The following ZNF804B variants were observed in gnomAD, a reference collection of about 807,000 sequenced individuals.
The protein encoded by ZNF804B is zinc finger protein 804B.
Under a neutral mutation model 101.4 loss-of-function variants are expected in ZNF804B, and 80 were observed. The ratio of observed to expected loss-of-function variants is 0.79; its 90% CI spans 0.66 to 0.95. The LOEUF (loss-of-function observed/expected upper bound fraction) is 0.95, where lower values mean the gene tolerates loss of function less well. Among genes scored for constraint, ZNF804B ranks in the 40% least tolerant of loss-of-function variants. The pLI is 0.00. For synonymous variants in ZNF804B, 622 were observed against 558.8 expected (o/e 1.11, Z -1.59); for missense variants, 1,673 against 1,561.9 (o/e 1.07, Z -1.20).
chr7:89,153,508 C>T (rs17308009), intron 1 of ZNF804B, among the ~76,000 whole-genome samples: 20,171 of 151,132 alleles, frequency 0.13, 1,498 homozygotes, highest in Middle Eastern at 0.24. Context: ...TACTTTTGTA[C>T]CTTACCCAAG....
At chr7:89,056,730 C>A (rs534035549) in intron 1 of ZNF804B, among the ~76,000 whole-genome samples, 10 of 152,042 alleles carry the variant, frequency 6.6e-5, no homozygotes, top group African/African-American at 2.4e-4. Context: ...TTGCCTAATT[C>A]CTGAAATCAC....
At chr7:88,799,240 A>G (rs1332804560) in intron 1 of ZNF804B, among the ~76,000 whole-genome samples, 1 of 152,096 alleles carries the variant, frequency 6.6e-6, no homozygotes, top group African/African-American at 2.4e-5. Flanking sequence ...AAACAATTAA[A>G]TACCATTTAT....
chr7:88,970,748 C>T lies in ZNF804B; in HGVS notation c.108+210664C>T, dbSNP rs184391269. On this transcript the variant is annotated intron_variant, in intron 1 of 3. Coordinates refer to ENST00000333190, the MANE Select transcript of ZNF804B (RefSeq NM_181646.5). Reference sequence around the variant, plus strand: ...AAACCAAACACCGCATGTTCTCACTCTTAGGTGGGAATTGAACAATGAGAA... The same window carrying T: ...AAACCAAACACCGCATGTTCTCACTTTTAGGTGGGAATTGAACAATGAGAA... 3.3e-3 allele frequency among the ~76,000 whole-genome samples: 451 copies of T among 137,656 alleles called. 7 individuals are homozygous for T. The highest frequency in any genetic ancestry group is 0.012 in the African/African-American group (430 of 36,494). 90.3% of individuals were successfully genotyped at this position (137,656 alleles called of 152,430 possible). A position where few individuals can be genotyped will look rare whatever the true frequency, so the allele number is the denominator to read the frequency against.
At chr7:88,931,939 G>A (rs572606804) in intron 1 of ZNF804B, among the ~76,000 whole-genome samples, 4 of 151,588 alleles carry the variant, frequency 2.6e-5, no homozygotes, top group African/African-American at 7.2e-5. Context: ...AAGCAAAAGT[G>A]TATATAGGAG....
intron 1 of ZNF804B, among the ~76,000 whole-genome samples, chr7:88,840,494 T>C (rs1358211849): frequency 1.3e-5 from 2 of 152,160 alleles, no homozygotes; most frequent in Admixed American, 1.3e-4. Flanking sequence ...ATAGATAATA[T>C]TAAAAGTATT....
chr7:89,188,182 G>A (rs550805714), intron 1 of ZNF804B, among the ~76,000 whole-genome samples: 66 of 151,640 alleles, frequency 4.4e-4, no homozygotes, highest in East Asian at 9.7e-4. Flanking sequence ...GTTACACTTC[G>A]GTAATTCTTA....
chr7:89,305,921 T>C lies in ZNF804B; in HGVS notation c.250-21423T>C, dbSNP rs117708608. The stretch of plus-strand genomic sequence containing the variant: ...TGATACTTTGTAAAGATACTAAAGG[T>C]TAGATTGCTTTGTTTAGGAAAATTA... On this transcript the variant is annotated intron_variant, in intron 2 of 3. Coordinates refer to ENST00000333190, the MANE Select transcript of ZNF804B (RefSeq NM_181646.5). 5.0e-3 allele frequency among the ~76,000 whole-genome samples: 754 copies of C among 152,104 alleles called. 3 individuals carry two copies. The highest frequency in any genetic ancestry group is 7.3e-3 in the Non-Finnish European group (498 of 67,906).
chr7:88,971,387 G>T (rs984975553), intron 1 of ZNF804B, among the ~76,000 whole-genome samples: 2 of 151,508 alleles, frequency 1.3e-5, no homozygotes, highest in Non-Finnish European at 3.0e-5. Flanking sequence ...TGACAATAAA[G>T]AAATGTATAA....
At chr7:89,240,649 T>A (rs1458252980) in intron 2 of ZNF804B, among the ~76,000 whole-genome samples, 3 of 152,060 alleles carry the variant, frequency 2.0e-5, no homozygotes, top group Non-Finnish European at 4.4e-5. Context: ...TTAGTGCATC[T>A]CAATTGATTT....
intron 2 of ZNF804B, among the ~76,000 whole-genome samples, chr7:89,256,164 C>T (rs1323597025): frequency 1.3e-5 from 2 of 152,070 alleles, no homozygotes; most frequent in African/African-American, 4.8e-5. Context: ...TATAGTAACA[C>T]TTTCACATTT....
intron 1 of ZNF804B, among the ~76,000 whole-genome samples, chr7:89,215,449 G>A (rs1788874718): frequency 2.0e-5 from 3 of 152,018 alleles, no homozygotes; most frequent in Admixed American, 2.0e-4. Flanking sequence ...TACATTTTTA[G>A]CCTCAAATCT....
chr7:88,903,027 G>C (rs1229092651), intron 1 of ZNF804B, among the ~76,000 whole-genome samples: 4 of 152,032 alleles, frequency 2.6e-5, no homozygotes, highest in Non-Finnish European at 4.4e-5. Flanking sequence ...TGAGGTTTAA[G>C]GTATGGATCC....
intron 1 of ZNF804B, among the ~76,000 whole-genome samples, chr7:89,121,712 G>A (rs2116366968): frequency 6.6e-6 from 1 of 152,160 alleles, no homozygotes; most frequent in East Asian, 1.9e-4. Flanking sequence ...TTTACCCAGA[G>A]GTATAGAATT....
chr7:88,879,868 G>A (rs1204434710), intron 1 of ZNF804B, among the ~76,000 whole-genome samples: 3 of 151,836 alleles, frequency 2.0e-5, no homozygotes, highest in African/African-American at 4.8e-5. Flanking sequence ...GTGAAACCCC[G>A]TTTCTCCAAA....
intron 1 of ZNF804B, among the ~76,000 whole-genome samples, chr7:88,850,560 G>A (rs1216759415): frequency 6.6e-6 from 1 of 151,918 alleles, no homozygotes; most frequent in Non-Finnish European, 1.5e-5. Flanking sequence ...AATTTACAGG[G>A]GACAGTTCTC....
chr7:89,040,108 T>C (rs1788993223), intron 1 of ZNF804B, among the ~76,000 whole-genome samples: 1 of 152,020 alleles, frequency 6.6e-6, no homozygotes, highest in Non-Finnish European at 1.5e-5. Context: ...AGGAGTTCTA[T>C]AGTGCATGCA....
At chr7:89,148,059 G>A (rs1029929770) in intron 1 of ZNF804B, among the ~76,000 whole-genome samples, 1 of 151,902 alleles carries the variant, frequency 6.6e-6, no homozygotes, top group Admixed American at 6.6e-5. Context: ...GTGCCAAAAA[G>A]GTTAGGGACC....
chr7:89,173,560 T>C (rs1323083793), intron 1 of ZNF804B, among the ~76,000 whole-genome samples: 1 of 152,052 alleles, frequency 6.6e-6, no homozygotes, highest in East Asian at 1.9e-4. Context: ...AATGGATAAA[T>C]AAATAGTGCT....
At chr7:88,879,133 C>A (rs1354242646) in intron 1 of ZNF804B, among the ~76,000 whole-genome samples, 2 of 152,178 alleles carry the variant, frequency 1.3e-5, no homozygotes. Flanking sequence ...TACAAAGAAG[C>A]CTTCCTTGTA....
Sources: allele counts gnomAD v4.1 joint callset (sites outside exome capture counted in the v4.1 genomes callset), GRCh38; gene constraint gnomAD v4.1.1; transcripts MANE v1.5; gene names NCBI Gene and HGNC (gene_info 2026-07-23, HGNC 2026-07-21).